The following SLC35F3 variants were observed in gnomAD, a reference collection of about 807,000 sequenced individuals.
SLC35F3 encodes the protein putative thiamine transporter SLC35F3.
Under a neutral mutation model 49.9 loss-of-function variants are expected in SLC35F3, and 25 were observed. The ratio of observed to expected loss-of-function variants is 0.50; its 90% CI spans 0.37 to 0.70. SLC35F3 has a LOEUF of 0.70. Among genes scored for constraint, SLC35F3 ranks in the 30% least tolerant of loss-of-function variants. The pLI is 0.00. For synonymous variants in SLC35F3, 275 were observed against 265.4 expected, an observed-to-expected ratio of 1.04 and a Z score of -0.35; for missense variants, 525 against 639.8, an observed-to-expected ratio of 0.82 and a Z score of 1.94.
intron 3 of SLC35F3, among the ~76,000 whole-genome samples, chr1:234,259,549 C>G (rs1667869588): frequency 6.6e-6 from 1 of 152,078 alleles, no homozygotes; most frequent in South Asian, 2.1e-4. Context: ...GTGTGCGTAC[C>G]TGTAGTCCCA....
chr1:233,917,145 A>T (rs1339594963), intron 2 of SLC35F3, among the ~76,000 whole-genome samples: 1 of 152,214 alleles, frequency 6.6e-6, no homozygotes, highest in Non-Finnish European at 1.5e-5. Context: ...GATTGGCTCC[A>T]TGCCATACTT....
At chr1:234,010,751 T>C (rs903828299) in intron 2 of SLC35F3, among the ~76,000 whole-genome samples, 4 of 152,086 alleles carry the variant, frequency 2.6e-5, no homozygotes, top group Non-Finnish European at 5.9e-5. Flanking sequence ...CACCTAAATA[T>C]AGACTGAACG....
At chr1:234,223,178 C>T (rs1319603659) in intron 2 of SLC35F3, among the ~76,000 whole-genome samples, 1 of 152,174 alleles carries the variant, frequency 6.6e-6, no homozygotes, top group Non-Finnish European at 1.5e-5. Flanking sequence ...GTCTTAAATC[C>T]ACTGCATGAA....
At chr1:234,178,950 C>G (rs1231184433) in intron 2 of SLC35F3, among the ~76,000 whole-genome samples, 2 of 152,216 alleles carry the variant, frequency 1.3e-5, no homozygotes, top group Non-Finnish European at 1.5e-5. Context: ...CTTATACTAT[C>G]TCCACAGTTT....
At chr1:234,260,527 G>A (rs1667887278) in intron 3 of SLC35F3, among the ~76,000 whole-genome samples, 1 of 152,140 alleles carries the variant, frequency 6.6e-6, no homozygotes, top group Non-Finnish European at 1.5e-5. Context: ...GGAGATCATG[G>A]TCTTCCATAC....
chr1:234,216,311 C>T (rs1028600171), intron 2 of SLC35F3, among the ~76,000 whole-genome samples: 1 of 152,194 alleles, frequency 6.6e-6, no homozygotes, highest in African/African-American at 2.4e-5. Context: ...CCCTGGGAAA[C>T]TCCCAGCCCA....
intron 3 of SLC35F3, among the ~76,000 whole-genome samples, chr1:234,235,980 G>A (rs76953516): frequency 8.5e-5 from 13 of 152,060 alleles, no homozygotes; most frequent in African/African-American, 1.7e-4. Context: ...GTTACTGTGC[G>A]TCTTCTCTAG....
chr1:234,078,965 A>G (rs184233441), intron 2 of SLC35F3, among the ~76,000 whole-genome samples: 147 of 152,352 alleles, frequency 9.6e-4, no homozygotes, highest in African/African-American at 3.3e-3. Context: ...CCAGAAAAAA[A>G]TCAAAAGCGG....
intron 2 of SLC35F3, among the ~76,000 whole-genome samples, chr1:233,992,003 T>C (rs985306891): frequency 2.0e-5 from 3 of 152,180 alleles, no homozygotes; most frequent in African/African-American, 7.2e-5. Flanking sequence ...ATTGCATTGA[T>C]AAGAAATGGG....
chr1:234,154,225 G>A lies in SLC35F3; in HGVS notation c.284-77192G>A, dbSNP rs77173880. 7.3e-3 allele frequency among the ~76,000 whole-genome samples: 1,115 copies of A among 152,148 alleles called. 19 individuals carry two copies. Among genetic ancestry groups the A allele is most frequent in the African/African-American group, 0.024 (1,003 of 41,552 alleles). ...GTGATTACGCCACAGCACTCCAGCC[G>A]GAGCGATAGAGTGAGACCCTGTCTC... On this transcript the variant is annotated intron_variant, in intron 2 of 7. Coordinates refer to ENST00000366618, the MANE Select transcript of SLC35F3 (RefSeq NM_173508.4).
At chr1:234,068,823 T>TTATACATA (rs1664658612) in intron 2 of SLC35F3, among the ~76,000 whole-genome samples, 1 of 71,184 alleles carries the variant, frequency 1.4e-5, no homozygotes, top group Non-Finnish European at 2.5e-5. Context: ...ATTTGAGACA[T>TTATACATA]TATATATATA....
chr1:234,270,560 C>T (rs1033730862), intron 3 of SLC35F3, among the ~76,000 whole-genome samples: 16 of 152,142 alleles, frequency 1.1e-4, no homozygotes, highest in African/African-American at 3.9e-4. Context: ...ACAATGCTAC[C>T]GTTCCAATGA....
intron 2 of SLC35F3, among the ~76,000 whole-genome samples, chr1:233,958,016 T>C (rs1239181086): frequency 6.6e-6 from 1 of 152,168 alleles, no homozygotes; most frequent in Non-Finnish European, 1.5e-5. Context: ...TTTTCACTCC[T>C]TGTGGCCCTT....
chr1:233,988,530 G>A (rs1461121037), intron 2 of SLC35F3, among the ~76,000 whole-genome samples: 1 of 152,138 alleles, frequency 6.6e-6, no homozygotes, highest in African/African-American at 2.4e-5. Context: ...TCGTGTCTGA[G>A]CTCTTTGAGG....
At chr1:233,925,526 G>A (rs1299423203) in intron 2 of SLC35F3, among the ~76,000 whole-genome samples, 1 of 151,658 alleles carries the variant, frequency 6.6e-6, no homozygotes, top group Non-Finnish European at 1.5e-5. Flanking sequence ...GCCTATGTGT[G>A]TCTGCACATG....
chr1:234,315,614 C>T (rs540625816), intron 4 of SLC35F3, among the ~76,000 whole-genome samples: 18 of 152,314 alleles, frequency 1.2e-4, no homozygotes, highest in South Asian at 8.3e-4. Context: ...ATATATCCTA[C>T]GACCACTCAG....
chr1:234,016,664 G>T lies in SLC35F3; in HGVS notation c.283+110906G>T, dbSNP rs1382090947. Among the ~76,000 whole-genome samples the T allele has an allele frequency of 2.6e-5, 4 of 152,298 alleles. No homozygotes were observed. The East Asian group carries it at 5.8e-4, about 22-fold the overall frequency. On this transcript the variant is annotated intron_variant, in intron 2 of 7. Coordinates refer to ENST00000366618, the MANE Select transcript of SLC35F3 (RefSeq NM_173508.4). ...TGAGGAGAGGAGCACATATATCATTGTGCCACAAAACTTTTGGATAATTTG... is the reference window on the plus strand; with the variant it reads ...TGAGGAGAGGAGCACATATATCATTTTGCCACAAAACTTTTGGATAATTTG...
chr1:234,283,558 CAA>C (rs1455378529), intron 3 of SLC35F3, among the ~76,000 whole-genome samples: 1 of 152,184 alleles, frequency 6.6e-6, no homozygotes, highest in Admixed American at 6.5e-5. Context: ...CGGATACTAA[CAA>C]GAGGGAGATT....
At chr1:234,122,262 A>G (rs1294256039) in intron 2 of SLC35F3, among the ~76,000 whole-genome samples, 1 of 152,232 alleles carries the variant, frequency 6.6e-6, no homozygotes, top group East Asian at 1.9e-4. Context: ...AAAAGCATTC[A>G]TGTGTTGTAA....
Sources: gnomAD v4.1 joint callset for allele counts (sites outside exome capture counted in the v4.1 genomes callset) on GRCh38, gnomAD v4.1.1 for gene constraint, MANE v1.5 for transcripts, NCBI Gene and HGNC (gene_info 2026-07-23, HGNC 2026-07-21) for gene names.